UST: variants seen among roughly 807,000 people sequenced by gnomAD.
UST encodes the protein uronyl 2-sulfotransferase.
UST carries 21 observed loss-of-function variants against 45.6 expected under a neutral mutation model. The observed-to-expected ratio is 0.46, with a 90% CI of 0.33 to 0.66. The LOEUF (loss-of-function observed/expected upper bound fraction) is 0.66. UST is among the 30% of genes least tolerant of loss of function. The pLI is 0.02. For synonymous variants in UST, 215 were observed against 200.6 expected (o/e 1.07, Z -0.61); for missense variants, 463 against 512.4 (o/e 0.90, Z 0.93).
intron 1 of UST, among the ~76,000 whole-genome samples, chr6:148,785,672 C>T (rs188704292): frequency 9.9e-5 from 15 of 152,242 alleles, no homozygotes; most frequent in Admixed American, 7.8e-4. Context: ...AACATCAAAG[C>T]TTACTAACAC....
At chr6:148,788,312 C>A (rs530586110) in intron 1 of UST, among the ~76,000 whole-genome samples, 1 of 152,174 alleles carries the variant, frequency 6.6e-6, no homozygotes, top group East Asian at 1.9e-4. Flanking sequence ...GGTGAGGACA[C>A]AGCCAAACCA....
chr6:148,983,902 C>T (rs899554994), intron 5 of UST, among the ~76,000 whole-genome samples: 3 of 152,214 alleles, frequency 2.0e-5, no homozygotes, highest in African/African-American at 7.2e-5. Context: ...CCCCACATCA[C>T]ACAGTGTACA....
At chr6:148,964,845 A>G (rs1780751441) in intron 5 of UST, among the ~76,000 whole-genome samples, 2 of 152,178 alleles carry the variant, frequency 1.3e-5, no homozygotes, top group South Asian at 4.1e-4. Flanking sequence ...GTCTTTCCTA[A>G]GGAGTCCTGA....
chr6:148,798,557 C>T (rs1205968960), intron 1 of UST, among the ~76,000 whole-genome samples: 1 of 151,932 alleles, frequency 6.6e-6, no homozygotes, highest in Non-Finnish European at 1.5e-5. Flanking sequence ...GCCTAGGAAG[C>T]GAGTGTAAGT....
intron 5 of UST, among the ~76,000 whole-genome samples, chr6:148,989,221 C>CA (rs144884783): frequency 7.8e-6 from 1 of 128,322 alleles, no homozygotes; most frequent in African/African-American, 2.8e-5. Context: ...CCCCCCCCAC[C>CA]CCCCGCAAAT....
At chr6:149,016,216 G>C (rs902851303) in intron 5 of UST, among the ~76,000 whole-genome samples, 1 of 152,222 alleles carries the variant, frequency 6.6e-6, no homozygotes, top group Admixed American at 6.5e-5. Context: ...TCTAAGAAAA[G>C]AATTGTTAAC....
At chr6:149,019,272 G>C in intron 6 of UST, 36 bp downstream of exon 6, 1 of 1,534,228 alleles carries the variant, frequency 6.5e-7, no homozygotes, top group African/African-American at 1.4e-5. Context: ...ATGCACGTAC[G>C]CACAACAAGG....
At chr6:148,760,832 G>A (rs1483070775) in intron 1 of UST, among the ~76,000 whole-genome samples, 3 of 152,216 alleles carry the variant, frequency 2.0e-5, no homozygotes, top group African/African-American at 4.8e-5. Flanking sequence ...ACCAACTCAC[G>A]AGATAAATGG....
chr6:148,796,696 C>T (rs1042733381), intron 1 of UST, among the ~76,000 whole-genome samples: 2 of 150,222 alleles, frequency 1.3e-5, no homozygotes, highest in Non-Finnish European at 2.9e-5. Context: ...AACTGATACC[C>T]GTTAGGCTTC....
At chr6:149,043,117 C>CT (rs1776349444) in intron 7 of UST, among the ~76,000 whole-genome samples, 1 of 132,926 alleles carries the variant, frequency 7.5e-6, no homozygotes, top group South Asian at 2.5e-4. Flanking sequence ...TTCTTTCTTT[C>CT]TTTTTTCTGG....
Position 148,998,263 on chromosome 6 carries a change from A to C in UST, c.682-20876A>C, listed in dbSNP as rs142641855. Among the ~76,000 whole-genome samples the C allele has an allele frequency of 3.0e-3, 462 of 152,314 alleles. 2 individuals are homozygous for C. Among genetic ancestry groups the C allele is most frequent in the Middle Eastern group, 0.014 (4 of 294 alleles). On this transcript the variant is annotated intron_variant, in intron 5 of 7. Coordinates refer to ENST00000367463, the MANE Select transcript of UST (RefSeq NM_005715.3). ...ACAAAGCTTCATTTTGGCTGGGAAGATGTTTGAGCTTGAGTTTTCTGTTCA... is the reference window on the plus strand; with the variant it reads ...ACAAAGCTTCATTTTGGCTGGGAAGCTGTTTGAGCTTGAGTTTTCTGTTCA...
intron 1 of UST, among the ~76,000 whole-genome samples, chr6:148,803,457 A>G (rs536292788): frequency 6.6e-6 from 1 of 152,216 alleles, no homozygotes; most frequent in South Asian, 2.1e-4. Flanking sequence ...TTACTTCTTA[A>G]ACACCTCTTA....
chr6:148,781,270 C>T (rs116129726), intron 1 of UST, among the ~76,000 whole-genome samples: 1 of 152,066 alleles, frequency 6.6e-6, no homozygotes, highest in South Asian at 2.1e-4. Context: ...CCGGTGAACA[C>T]GTGAATGGTA....
At chr6:148,856,702 A>G (rs1457193143) in intron 1 of UST, among the ~76,000 whole-genome samples, 2 of 152,198 alleles carry the variant, frequency 1.3e-5, no homozygotes, top group African/African-American at 4.8e-5. Context: ...TGCCTTGGTC[A>G]GGAAGGCTGC....
chr6:148,948,154 A>G (rs1780287832), intron 3 of UST, among the ~76,000 whole-genome samples: 1 of 152,132 alleles, frequency 6.6e-6, no homozygotes, highest in Non-Finnish European at 1.5e-5. Context: ...GCTACCCCAT[A>G]CTGTGGGAAG....
intron 2 of UST, 87 bp downstream of exon 2, chr6:148,887,116 C>G: frequency 1.0e-6 from 1 of 1,004,390 alleles, no homozygotes; most frequent in Non-Finnish European, 1.5e-6. Context: ...CTCCTGGACA[C>G]GAATCATTCA....
chr6:148,780,444 A>AC (rs1331503420), intron 1 of UST, among the ~76,000 whole-genome samples: 1 of 151,536 alleles, frequency 6.6e-6, no homozygotes, highest in Admixed American at 6.6e-5. Flanking sequence ...CCCACTCCCC[A>AC]CCCTCCAGTG....
Position 148,747,812 on chromosome 6 carries a change from G to T in UST, c.247+135G>T, listed in dbSNP as rs1484344419. 2.6e-6 allele frequency: 3 copies of T among 1,157,276 alleles called. No individual in the cohort carries two copies. The African/African-American group carries it at 4.9e-5, about 19-fold the overall frequency. The allele number at this position is 1,157,276 out of a possible 1,614,324, so 71.7% of individuals were successfully genotyped here. Reference sequence around the variant, plus strand: ...CCGGGTCTCTCCAGGTGCTAAGCCCGTGAGCATCTGTGCCGCGGTCGGGAG... The same window carrying T: ...CCGGGTCTCTCCAGGTGCTAAGCCCTTGAGCATCTGTGCCGCGGTCGGGAG... On this transcript the variant is annotated intron_variant, in intron 1 of 7. Coordinates refer to ENST00000367463, the MANE Select transcript of UST (RefSeq NM_005715.3).
chr6:149,023,137 TGTGTGTGTGTGTG>T (rs1311646500), intron 7 of UST, among the ~76,000 whole-genome samples: 82 of 143,658 alleles, frequency 5.7e-4, no homozygotes, highest in South Asian at 2.2e-3. Context: ...TGTGTGTGTG[TGTGTGTGTGTGTG>T]GTGTGGTGTG....
Sources: gnomAD v4.1 joint callset for allele counts (sites outside exome capture counted in the v4.1 genomes callset) on GRCh38, gnomAD v4.1.1 for gene constraint, MANE v1.5 for transcripts, NCBI Gene and HGNC (gene_info 2026-07-23, HGNC 2026-07-21) for gene names.